Variants in MBD5 observed in about 807,000 individuals in gnomAD.
MBD5 encodes the protein methyl-CpG-binding domain protein 5.
In MBD5, 13 loss-of-function variants were observed where a neutral mutation model predicts 117.3. That is an observed-to-expected ratio of 0.11 (90% confidence interval 0.07 to 0.18). MBD5 has a LOEUF of 0.18. Ranked by LOEUF, MBD5 falls within the 10% of genes least tolerant of loss-of-function variation. MBD5 has a pLI of 1.00. For synonymous variants in MBD5, 727 were observed against 766.4 expected, an observed-to-expected ratio of 0.95 and a Z score of 0.85; for missense variants, 1,879 against 2,093.8, an observed-to-expected ratio of 0.90 and a Z score of 2.00.
intron 2 of MBD5, among the ~76,000 whole-genome samples, chr2:148,194,857 C>T (rs915211294): frequency 6.6e-6 from 1 of 151,252 alleles, no homozygotes; most frequent in Non-Finnish European, 1.5e-5. Flanking sequence ...CCAACTATAT[C>T]ATCACTATAT....
chr2:148,293,762 T>C (rs563098599), intron 3 of MBD5, among the ~76,000 whole-genome samples: 2 of 152,348 alleles, frequency 1.3e-5, no homozygotes, highest in East Asian at 1.9e-4. Flanking sequence ...GGATTTTCCA[T>C]AAATGTCCTT....
rs201824590 is a variant in MBD5, at chr2:148,332,486, A to G, written c.-679-9728A>G. On this transcript the variant is annotated intron_variant, in intron 3 of 13. Coordinates refer to ENST00000642680, the MANE Select transcript of MBD5 (RefSeq NM_001378120.1). ...TTTTGAGTTGGATCTCCCAGTTTTC[A>G]TGTCTTTTCCTTCTTGAGTTGGTCT... is the stretch of plus-strand genomic sequence containing the variant. Among the ~76,000 whole-genome samples the G allele has an allele frequency of 6.6e-5, 10 of 152,224 alleles. No individual in the cohort carries two copies. In the East Asian group the frequency reaches 1.9e-3, roughly 29 times the overall value.
At chr2:148,078,345 G>A (rs1251563860) in intron 1 of MBD5, among the ~76,000 whole-genome samples, 1 of 152,048 alleles carries the variant, frequency 6.6e-6, no homozygotes, top group East Asian at 1.9e-4. Flanking sequence ...TATACTAGAT[G>A]TCCTATGTAT....
intron 3 of MBD5, among the ~76,000 whole-genome samples, chr2:148,248,565 G>A (rs1412867801): frequency 1.3e-5 from 2 of 152,052 alleles, no homozygotes; most frequent in Non-Finnish European, 2.9e-5. Context: ...CATCATGAAT[G>A]AGTGTCAGAA....
At chr2:148,508,047 C>T (rs1682095904) in intron 12 of MBD5, among the ~76,000 whole-genome samples, 1 of 152,158 alleles carries the variant, frequency 6.6e-6, no homozygotes, top group Non-Finnish European at 1.5e-5. Flanking sequence ...ACATTACACA[C>T]AGTGCGATAT....
intron 4 of MBD5, among the ~76,000 whole-genome samples, chr2:148,357,301 A>G (rs768937242): frequency 6.6e-6 from 1 of 152,164 alleles, no homozygotes; most frequent in African/African-American, 2.4e-5. Flanking sequence ...AGCAATTACT[A>G]TCCATTTTAA....
intron 2 of MBD5, among the ~76,000 whole-genome samples, chr2:148,183,935 A>C (rs553981991): frequency 7.9e-5 from 12 of 152,176 alleles, no homozygotes; most frequent in African/African-American, 2.7e-4. Flanking sequence ...ACATTGTAAA[A>C]AAATTTTTTT....
At position 148,509,254 on chromosome 2, in the gene MBD5, A is replaced by T. The variant is rs1203805013; in HGVS notation, c.5037-806A>T. The stretch of plus-strand genomic sequence containing the variant: ...CATAAAGGAGGAAAAACAAGTTAAC[A>T]GTCAGGATGGGCAAAGTGTACATAA... On this transcript the variant is annotated intron_variant, in intron 12 of 13. Transcript: ENST00000642680. Among the ~76,000 whole-genome samples the T allele has an allele frequency of 2.6e-5, 4 of 152,244 alleles. No homozygotes were observed. In the East Asian group the frequency reaches 5.8e-4, roughly 22 times the overall value.
At position 148,096,258 on chromosome 2, in the gene MBD5, C is replaced by G. The variant is rs757586033; in HGVS notation, c.-925+74574C>G. On this transcript the variant is annotated intron_variant, in intron 1 of 13. Coordinates refer to ENST00000642680, the MANE Select transcript of MBD5 (RefSeq NM_001378120.1). ...AGTTCTCAACTGGGAGTGATTTTGT[C>G]CCTCCAGGCACATTTGGCAATGTTT... Among the ~76,000 whole-genome samples, 13 of 152,280 alleles carry G rather than the reference C, an allele frequency of 8.5e-5. No individual in the cohort carries two copies. In the South Asian group the frequency reaches 1.7e-3, roughly 19 times the overall value.
chr2:148,502,403 G>T (rs778252988), intron 11 of MBD5, 33 bp from the exon 12 acceptor site: 2 of 1,598,254 alleles, frequency 1.3e-6, no homozygotes, highest in African/African-American at 1.3e-5. Flanking sequence ...ACAGGTCTGG[G>T]TAATGTGGTT....
intron 3 of MBD5, among the ~76,000 whole-genome samples, chr2:148,328,170 G>C (rs555761249): frequency 6.6e-6 from 1 of 152,228 alleles, no homozygotes; most frequent in African/African-American, 2.4e-5. Flanking sequence ...AGGGGTCAGG[G>C]ACCCACTTGA....
At chr2:148,226,130 T>C (rs1039340878) in intron 2 of MBD5, among the ~76,000 whole-genome samples, 2 of 152,126 alleles carry the variant, frequency 1.3e-5, no homozygotes, top group Admixed American at 1.3e-4. Flanking sequence ...TTCATTATTA[T>C]ACTTTAAGTT....
chr2:148,161,350 G>T (rs1270462748), intron 1 of MBD5, among the ~76,000 whole-genome samples: 1 of 152,128 alleles, frequency 6.6e-6, no homozygotes, highest in African/African-American at 2.4e-5. Context: ...CTGGCATTAT[G>T]GGGATGCTGG....
chr2:148,261,551 C>T (rs1398249404), intron 3 of MBD5, among the ~76,000 whole-genome samples: 2 of 152,176 alleles, frequency 1.3e-5, no homozygotes, highest in Non-Finnish European at 2.9e-5. Context: ...TAGGGCCTTG[C>T]TCTGAATTAG....
chr2:148,231,568 T>C (rs1173973875), intron 2 of MBD5, among the ~76,000 whole-genome samples: 4 of 152,116 alleles, frequency 2.6e-5, no homozygotes, highest in Non-Finnish European at 5.9e-5. Context: ...TAGATAGTTA[T>C]TGAATTGATG....
chr2:148,179,076 C>A (rs895596045), intron 2 of MBD5, among the ~76,000 whole-genome samples: 2 of 152,046 alleles, frequency 1.3e-5, no homozygotes, highest in African/African-American at 2.4e-5. Flanking sequence ...AACTTCTGGC[C>A]GGGCGCGGTG....
chr2:148,383,153 T>C (rs978668030), intron 4 of MBD5, among the ~76,000 whole-genome samples: 3 of 152,070 alleles, frequency 2.0e-5, no homozygotes, highest in African/African-American at 7.2e-5. Flanking sequence ...TTCAAAAAAT[T>C]AGTGAATCCA....
At chr2:148,279,885 G>A (rs1033776547) in intron 3 of MBD5, among the ~76,000 whole-genome samples, 1 of 151,982 alleles carries the variant, frequency 6.6e-6, no homozygotes, top group African/African-American at 2.4e-5. Flanking sequence ...ATGGGCTCAA[G>A]TGATCCTCCC....
intron 4 of MBD5, among the ~76,000 whole-genome samples, chr2:148,344,773 TATC>T (rs1332662884): frequency 6.6e-6 from 1 of 151,920 alleles, no homozygotes; most frequent in Non-Finnish European, 1.5e-5. Context: ...TGCCAGTAAA[TATC>T]ATCCACCTTA....
Sources: allele counts gnomAD v4.1 joint callset (sites outside exome capture counted in the v4.1 genomes callset), GRCh38; gene constraint gnomAD v4.1.1; transcripts MANE v1.5; gene names NCBI Gene and HGNC (gene_info 2026-07-23, HGNC 2026-07-21).